The following ARAP3 variants were observed in gnomAD, a reference collection of about 807,000 sequenced individuals.
ARAP3 encodes arf-GAP with Rho-GAP domain, ANK repeat and PH domain-containing protein 3.
Under a neutral mutation model 169.2 loss-of-function variants are expected in ARAP3, and 82 were observed. The ratio of observed to expected loss-of-function variants is 0.48; its 90% confidence interval spans 0.41 to 0.58. The LOEUF is 0.58. Ranked by LOEUF, ARAP3 falls within the 20% of genes least tolerant of loss-of-function variation. The pLI is 0.00. For missense variants in ARAP3, 1,764 were observed against 2,018.0 expected, an observed-to-expected ratio of 0.87 and a Z score of 2.41; for synonymous variants, 791 against 800.3, an observed-to-expected ratio of 0.99 and a Z score of 0.20.
In ARAP3 at chr5:141,664,993, T is replaced by C; in HGVS notation, c.2729A>G (p.Gln910Arg). ...GAAGGGGTGL[Q>R]EQQMSRGDIP... ...GTCACCCCGGCTCATCTGCTGCTCC[T>C]GCAGCCCTGTGCCGCCCCCACCAGC... The change falls in exon 19 of 33, where the codon CAG becomes CGG. Residue 910 changes from glutamine (Q) to arginine (R), a missense_variant. Transcript: ENST00000239440. 1.9e-6 allele frequency: 3 copies of C among 1,613,544 alleles called. No individual in the cohort carries two copies. The highest frequency in any genetic ancestry group is 2.5e-6 in the Non-Finnish European group (3 of 1,179,872).
Position 141,661,751 on chromosome 5 carries a change from C to A in ARAP3, c.3052G>T (p.Asp1018Tyr), listed in dbSNP as rs541418895. 1.9e-6 allele frequency: 3 copies of A among 1,614,240 alleles called. No individual in the cohort carries two copies. The Admixed American group carries it at 5.0e-5, about 27-fold the overall frequency. Residue 1018 changes from aspartate (D) to tyrosine (Y), a missense_variant, in exon 21 of 33, where the codon GAT becomes TAT. Asp to Tyr is a radical substitution (Grantham distance 160, BLOSUM62 -3). Transcript: ENST00000239440. ...QKNQRLEKYK[D>Y]VIGCLPRVNR... is the part of the protein sequence containing the mutation. The stretch of plus-strand genomic sequence containing the variant: ...ACCCGCGGCAGGCAGCCAATCACAT[C>A]TTTATATTTCTCCAGGCGCTGATTC...
intron 1 of ARAP3, chr5:141,680,905 GGGCCAATGATGT>G (rs1293104573): frequency 1.6e-5 from 3 of 185,130 alleles, no homozygotes; most frequent in African/African-American, 7.1e-5. Flanking sequence ...TGCAGAGGAG[GGGCCAATGATGT>G]GGCCAATCAG....
chr5:141,659,643 TGGGA>T, intron 22 of ARAP3, 132 bp downstream of exon 22: 2 of 1,375,988 alleles, frequency 1.5e-6, no homozygotes, highest in Non-Finnish European at 2.0e-6. Flanking sequence ...GCCAGGGCTC[TGGGA>T]GGTAGTTCCT....
At chr5:141,659,381 C>T (rs753962206) in intron 23 of ARAP3, 27 bp downstream of exon 23, 6 of 1,606,564 alleles carry the variant, frequency 3.7e-6, no homozygotes, top group Non-Finnish European at 5.1e-6. Flanking sequence ...CTGCCCCATT[C>T]AGGAGACTAA....
rs2099909299 is a variant in ARAP3, at chr5:141,656,570, T to C, written c.3723A>G (p.Gly1241=). 1 of 1,612,890 alleles carries C rather than the reference T, an allele frequency of 6.2e-7. No individual in the cohort carries two copies. The highest frequency in any genetic ancestry group is 1.3e-5 in the African/African-American group (1 of 74,862). The change falls in exon 27 of 33, where the codon GGA becomes GGG. Residue 1241 remains glycine (G), a synonymous_variant. Coordinates refer to ENST00000239440, the MANE Select transcript of ARAP3 (RefSeq NM_022481.6). ...GAAAGAACCTCTCCTGGAAGCGGCT[T>C]CCCAGCAAGCGAGGTGGCTCCTCAC... ...RCREEPPRLL[G]SRFQERFFLL...
chr5:141,662,214 C>T lies in ARAP3; in HGVS notation c.2842G>A (p.Ala948Thr). ...TCAGCCAGGAGTCTCAGGCTGCGGG[C>T]ACGAGCGCCCCCTTTCCGGTATACA... is the stretch of plus-strand genomic sequence containing the variant. The part of the protein sequence containing the change: ...EGVYRKGGAR[A>T]RSLRLLAEFR... Residue 948 changes from alanine (A) to threonine (T), a missense_variant, in exon 20 of 33, where the codon GCC (alanine) becomes ACC (threonine). Coordinates refer to ENST00000239440, the MANE Select transcript of ARAP3 (RefSeq NM_022481.6). 4 of 1,614,204 alleles carry T rather than the reference C, an allele frequency of 2.5e-6. No homozygotes were observed. The highest frequency in any genetic ancestry group is 3.4e-6 in the Non-Finnish European group (4 of 1,180,028).
rs184163620 is a variant in ARAP3, at chr5:141,659,830, G to C, written c.3216C>G (p.His1072Gln). ...SVFQTDGRGE[H>Q]EVRVLQELID... is the part of the protein sequence containing the mutation. ...TGAGCTCTTGCAGCACTCGCACCTC[G>C]TGCTCCCCTCGCCCATCCGTCTGGA... Residue 1072 changes from histidine to glutamine, a missense_variant, in exon 22 of 33, where the codon CAC becomes CAG. His to Gln is a conservative substitution (Grantham distance 24). Around this residue, in one of 3 missense-constraint regions of ARAP3, gnomAD observed 1,112 missense variants for 1,285.7 expected, o/e 0.86. Transcript: ENST00000239440. 6.2e-7 allele frequency: 1 copy of C among 1,611,398 alleles called. No homozygotes were observed. The highest frequency in any genetic ancestry group is 1.1e-5 in the South Asian group (1 of 90,172).
chr5:141,677,112 A>C (rs1451464205), intron 4 of ARAP3, among the ~76,000 whole-genome samples: 1 of 152,222 alleles, frequency 6.6e-6, no homozygotes, highest in Non-Finnish European at 1.5e-5. Flanking sequence ...ACGTTTAAAA[A>C]AATTAAAAGA....
intron 4 of ARAP3, among the ~76,000 whole-genome samples, chr5:141,678,478 T>C (rs1438619411): frequency 6.6e-6 from 1 of 152,096 alleles, no homozygotes; most frequent in Non-Finnish European, 1.5e-5. Context: ...TCAAATGTCA[T>C]CTTCTTAACG....
chr5:141,673,289 G>A (rs2099911688), intron 6 of ARAP3, 112 bp downstream of exon 6: 1 of 1,557,380 alleles, frequency 6.4e-7, no homozygotes, highest in Non-Finnish European at 8.8e-7. Context: ...CATCAGTCAT[G>A]CAGTCACTGC....
chr5:141,654,669 G>T (rs1343774984), intron 32 of ARAP3, among the ~76,000 whole-genome samples: 2 of 151,982 alleles, frequency 1.3e-5, no homozygotes, highest in Admixed American at 1.3e-4. Flanking sequence ...TTGAACCCAG[G>T]TCTGTCTAAC....
chr5:141,654,450 A>G lies in ARAP3; in HGVS notation c.4150-15T>C. The G allele has an allele frequency of 6.4e-7, 1 of 1,551,078 alleles. No individual in the cohort carries two copies. The highest frequency in any genetic ancestry group is 1.9e-5 in the Admixed American group (1 of 52,336). On this transcript the variant is annotated splice_polypyrimidine_tract_variant and intron_variant, in intron 32 of 32. Coordinates refer to ENST00000239440, the MANE Select transcript of ARAP3 (RefSeq NM_022481.6). ...GACTTCATTGGCTGGATGGGAATGG[A>G]ATGGCAGGAGTGGGCACATAGTTAA... is the stretch of plus-strand genomic sequence containing the variant.
At chr5:141,669,889 GGGGAA>G (rs762465108) in intron 15 of ARAP3, 28 bp downstream of exon 15, 2 of 1,609,052 alleles carry the variant, frequency 1.2e-6, no homozygotes, top group South Asian at 2.2e-5. Context: ...AAGAGAAAAG[GGGGAA>G]GCTCAGTGGT....
At chr5:141,655,464 A>T in intron 31 of ARAP3, 64 bp from the exon 32 acceptor site, 3 of 1,571,942 alleles carry the variant, frequency 1.9e-6, no homozygotes, top group Non-Finnish European at 2.6e-6. Flanking sequence ...AGGACTAGCA[A>T]CAGGAGACAG....
At chr5:141,679,873 C>A (rs553626881) in intron 2 of ARAP3, 51 bp from the exon 3 acceptor site, 2 of 1,609,680 alleles carry the variant, frequency 1.2e-6, no homozygotes, top group South Asian at 2.2e-5. Flanking sequence ...GAAGAACAAG[C>A]CTTCATGCCC....
In ARAP3 at chr5:141,680,035, G is replaced by T; in HGVS notation, c.452C>A (p.Thr151Asn). 1 of 1,614,216 alleles carries T rather than the reference G, an allele frequency of 6.2e-7. No individual in the cohort carries two copies. Among genetic ancestry groups the T allele is most frequent in the Middle Eastern group, 1.6e-4 (1 of 6,062 alleles). ...GATGGAATTAGGCATCATCTCCACA[G>T]TATTTAGGGCTGAAGACTGCTCAGA... ...SSSEQSSALNTVEMMPNSIYF... is the reference protein window; with the variant it reads ...SSSEQSSALNNVEMMPNSIYF... The change falls in exon 2 of 33, where the codon ACT (threonine) becomes AAT (asparagine). Residue 151 changes from threonine (T) to asparagine (N), a missense_variant. By Grantham distance (65) the Thr-to-Asn change is moderately conservative. This residue lies in a region of ARAP3 where 630 missense variants were observed against 678.7 expected (regional missense o/e 0.93). Coordinates refer to ENST00000239440, the MANE Select transcript of ARAP3 (RefSeq NM_022481.6).
intron 4 of ARAP3, among the ~76,000 whole-genome samples, chr5:141,678,218 TG>T (rs1181654430): frequency 6.6e-6 from 1 of 152,194 alleles, no homozygotes; most frequent in African/African-American, 2.4e-5. Flanking sequence ...CCCAAAGTGC[TG>T]GGATTACAGG....
In ARAP3 at chr5:141,680,107, C is replaced by T. The variant is rs1287585705; in HGVS notation, c.380G>A (p.Arg127Lys). 6.2e-7 allele frequency: 1 copy of T among 1,612,956 alleles called. No homozygotes were observed. The highest frequency in any genetic ancestry group is 8.5e-7 in the Non-Finnish European group (1 of 1,179,382). ...SPALGGPGVSRSPEPSPRPPP... is the reference protein window; with the variant it reads ...SPALGGPGVSKSPEPSPRPPP... ...AGGCCTTGGGCTGGGCTCTGGGCTC[C>T]TGGACACTCCTGGTCCCCCGAGGGC... Residue 127 changes from arginine (R) to lysine (K), a missense_variant, in exon 2 of 33, where the codon AGG becomes AAG. Coordinates refer to ENST00000239440, the MANE Select transcript of ARAP3 (RefSeq NM_022481.6).
In ARAP3 at chr5:141,671,378, C is replaced by A; in HGVS notation, c.1877G>T (p.Arg626Ile). The A allele has an allele frequency of 6.2e-7, 1 of 1,612,628 alleles. No homozygotes were observed. The highest frequency in any genetic ancestry group is 1.1e-5 in the South Asian group (1 of 90,800). ...LLQALCAAVA[R>I]PNLLKNMTQL... ...GGTCATGTTCTTCAGCAGGTTGGGTCTTGCCACAGCTGCACACAGTGCCTG... is the reference window on the plus strand; with the variant it reads ...GGTCATGTTCTTCAGCAGGTTGGGTATTGCCACAGCTGCACACAGTGCCTG... The change falls in exon 13 of 33, where the codon AGA (arginine) becomes ATA (isoleucine). Residue 626 changes from arginine (R) to isoleucine (I), a missense_variant. Around this residue, in one of 3 missense-constraint regions of ARAP3, gnomAD observed 1,112 missense variants for 1,285.7 expected, o/e 0.86. Transcript: ENST00000239440. The surrounding 1 kb of genome is among the most constrained non-coding windows in gnomAD (Gnocchi z 4.9).
Sources: allele counts gnomAD v4.1 joint callset (sites outside exome capture counted in the v4.1 genomes callset), GRCh38; gene constraint gnomAD v4.1.1; regional missense constraint gnomAD v4.1.1; non-coding constraint Gnocchi (gnomAD v3.1); transcripts MANE v1.5; gene names NCBI Gene and HGNC (gene_info 2026-07-23, HGNC 2026-07-21).